CUX2: variants seen among roughly 807,000 people sequenced by gnomAD.
The protein encoded by CUX2 is cut like homeobox 2, also known as homeobox protein cut-like 2.
CUX2 carries 40 observed loss-of-function variants against 144.8 expected under a neutral mutation model. That is an observed-to-expected ratio of 0.28 (90% CI 0.21 to 0.36). CUX2 has a LOEUF of 0.36. Among genes scored for constraint, CUX2 ranks in the 10% least tolerant of loss-of-function variants. The probability of loss-of-function intolerance (pLI) is 1.00; values close to 1 mark genes in which losing one functional copy is unlikely to be tolerated. For synonymous variants in CUX2, 827 were observed against 875.6 expected (o/e 0.94, Z 0.98); for missense variants, 1,615 against 1,994.0 (o/e 0.81, Z 3.62).
chr12:111,167,037 C>T (rs944238330), intron 1 of CUX2, among the ~76,000 whole-genome samples: 3 of 152,126 alleles, frequency 2.0e-5, no homozygotes, highest in African/African-American at 7.2e-5. Flanking sequence ...CTGCCAGTCT[C>T]CTAGACAGGC....
rs138262823 is a variant in CUX2 at position 111,300,012 on chromosome 12, A to T, written c.753+1423A>T. On this transcript the variant is annotated intron_variant, in intron 9 of 21. Transcript: ENST00000261726. ...TCCCACCTCAGCCTCCCAGGTAGCC[A>T]GTTAGCTGGGAACAGAGGCGTGTGC... Among the ~76,000 whole-genome samples, 496 of 152,290 alleles carry T rather than the reference A, an allele frequency of 3.3e-3. 5 individuals carry two copies. The highest frequency in any genetic ancestry group is 0.01 in the African/African-American group (432 of 41,552).
rs1238090488 is a variant in CUX2, at chr12:111,295,110, T to C, written c.561-223T>C. ...CTACTGTAAATTTTGCCCCTAAAAA[T>C]CCTGGCAGAAACTAACAGGAGCAGC... On this transcript the variant is annotated intron_variant, in intron 6 of 21. Transcript: ENST00000261726. The surrounding 1 kb of genome is among the most constrained non-coding windows in gnomAD (Gnocchi z 5.0). Among the ~76,000 whole-genome samples, 1 of 152,174 alleles carries C rather than the reference T, an allele frequency of 6.6e-6. No individual in the cohort carries two copies. Among genetic ancestry groups the C allele is most frequent in the Admixed American group, 6.5e-5 (1 of 15,276 alleles).
Position 111,320,675 on chromosome 12 carries a change from A to G in CUX2, c.2666A>G (p.Glu889Gly). Residue 889 changes from glutamate (E) to glycine (G), a missense_variant, in exon 17 of 22, where the codon GAG becomes GGG. Physicochemically the swap from Glu to Gly is moderately conservative, Grantham distance 98. Transcript: ENST00000261726. This position sits in a 1 kb window ranked among gnomAD's most constrained non-coding sequence, Gnocchi z 8.1. ...TVPPLTPEQYELYMYREVDTL... is the reference protein window; with the variant it reads ...TVPPLTPEQYGLYMYREVDTL... ...CCGCCGCTGACCCCCGAGCAGTACGAGCTGTACATGTACCGTGAGGTAGAC... is the reference window on the plus strand; with the variant it reads ...CCGCCGCTGACCCCCGAGCAGTACGGGCTGTACATGTACCGTGAGGTAGAC... 6.3e-7 allele frequency: 1 copy of G among 1,597,158 alleles called. No individual in the cohort carries two copies. The highest frequency in any genetic ancestry group is 8.5e-7 in the Non-Finnish European group (1 of 1,179,270).
chr12:111,085,291 A>AC (rs1872144759), intron 1 of CUX2, among the ~76,000 whole-genome samples: 1 of 152,082 alleles, frequency 6.6e-6, no homozygotes, highest in South Asian at 2.1e-4. Flanking sequence ...GGAAGAATTT[A>AC]CCCCATGGAA....
chr12:111,309,307 C>T (rs1284366485), intron 14 of CUX2, among the ~76,000 whole-genome samples: 1 of 152,166 alleles, frequency 6.6e-6, no homozygotes, highest in Non-Finnish European at 1.5e-5. Flanking sequence ...TTCATGGGTG[C>T]CATGTAGGTC....
intron 1 of CUX2, among the ~76,000 whole-genome samples, chr12:111,040,854 A>G (rs1278961912): frequency 6.6e-6 from 1 of 152,196 alleles, no homozygotes; most frequent in Non-Finnish European, 1.5e-5. Context: ...GTGTTCCAAT[A>G]AAACTTTATT....
intron 1 of CUX2, among the ~76,000 whole-genome samples, chr12:111,144,333 T>G (rs1876524430): frequency 6.6e-6 from 1 of 152,212 alleles, no homozygotes; most frequent in African/African-American, 2.4e-5. Flanking sequence ...CCACGCTGCC[T>G]TTTCCGGAGC....
Position 111,242,600 on chromosome 12 carries a change from G to A in CUX2, c.223-21161G>A, listed in dbSNP as rs73414563. On this transcript the variant is annotated intron_variant, in intron 3 of 21. Transcript: ENST00000261726. ...AGACCGAGGTGGGCAGATCACCTTAGGTCAGGAATTCAAGACCAGCCTGGC... is the reference window on the plus strand; with the variant it reads ...AGACCGAGGTGGGCAGATCACCTTAAGTCAGGAATTCAAGACCAGCCTGGC... 9.2e-3 allele frequency among the ~76,000 whole-genome samples: 1,401 copies of A among 152,236 alleles called. 25 individuals carry two copies. Among genetic ancestry groups the A allele is most frequent in the African/African-American group, 0.032 (1,315 of 41,512 alleles).
At chr12:111,167,900 G>T (rs1277489312) in intron 1 of CUX2, among the ~76,000 whole-genome samples, 1 of 152,022 alleles carries the variant, frequency 6.6e-6, no homozygotes, top group African/African-American at 2.4e-5. Context: ...CACCATGTTG[G>T]CCAGGCTGGT....
At chr12:111,227,645 T>A (rs2136240300) in intron 3 of CUX2, among the ~76,000 whole-genome samples, 1 of 152,222 alleles carries the variant, frequency 6.6e-6, no homozygotes, top group Non-Finnish European at 1.5e-5. Flanking sequence ...TCTGGCTTTC[T>A]CCTATATTTT....
chr12:111,034,235 C>T lies in CUX2; in HGVS notation c.58C>T (p.Leu20Phe), dbSNP rs1367791659. The T allele has an allele frequency of 1.4e-6, 2 of 1,390,466 alleles. No individual in the cohort carries two copies. The highest frequency in any genetic ancestry group is 4.2e-5 in the East Asian group (1 of 23,872). 86.1% of individuals were successfully genotyped at this position (1,390,466 alleles called of 1,614,324 possible). Reference sequence around the variant, plus strand: ...TTGGAAGCGATTTGATCTACGGCGACTCCAGGTTAGTGCGGGCAGCGCCGG... The same window carrying T: ...TTGGAAGCGATTTGATCTACGGCGATTCCAGGTTAGTGCGGGCAGCGCCGG... ...QYWKRFDLRRLQKELNSVASE... is the reference protein window; with the variant it reads ...QYWKRFDLRRFQKELNSVASE... The change falls in exon 1 of 22, where the codon CTC (leucine) becomes TTC (phenylalanine). Residue 20 changes from leucine to phenylalanine, a missense_variant. Coordinates refer to ENST00000261726, the MANE Select transcript of CUX2 (RefSeq NM_015267.4). The surrounding 1 kb of genome is among the most constrained non-coding windows in gnomAD (Gnocchi z 4.2).
At chr12:111,121,476 A>T (rs1337934357) in intron 1 of CUX2, among the ~76,000 whole-genome samples, 1 of 129,854 alleles carries the variant, frequency 7.7e-6, no homozygotes, top group African/African-American at 2.9e-5. Context: ...TCATGGGTTC[A>T]TGCGATTCTC....
At chr12:111,346,154 A>G (rs1396207348) in intron 21 of CUX2, among the ~76,000 whole-genome samples, 3 of 144,708 alleles carry the variant, frequency 2.1e-5, no homozygotes, top group African/African-American at 7.7e-5. Context: ...CAGAAAATGC[A>G]ATTACTTTTG....
intron 1 of CUX2, among the ~76,000 whole-genome samples, chr12:111,066,374 T>C (rs1467267084): frequency 6.6e-6 from 1 of 152,242 alleles, no homozygotes; most frequent in Non-Finnish European, 1.5e-5. Context: ...GTCCTCTCAA[T>C]GTAATGAAAA....
In CUX2 at chr12:111,061,615, C is replaced by T. The variant is rs1054295237; in HGVS notation, c.63+27375C>T. Among the ~76,000 whole-genome samples the T allele has an allele frequency of 1.3e-5, 2 of 152,206 alleles. No individual in the cohort carries two copies. The highest frequency in any genetic ancestry group is 1.5e-5 in the Non-Finnish European group (1 of 68,046). ...CCTAAGTACATCCAACTCTACATCA[C>T]GGTCTTTCCACTTATACCCACATTA... is the stretch of plus-strand genomic sequence containing the variant. On this transcript the variant is annotated intron_variant, in intron 1 of 21. Transcript: ENST00000261726. The surrounding 1 kb of genome is among the most constrained non-coding windows in gnomAD (Gnocchi z 4.2).
At chr12:111,244,186 A>G (rs1238594797) in intron 3 of CUX2, among the ~76,000 whole-genome samples, 1 of 152,062 alleles carries the variant, frequency 6.6e-6, no homozygotes, top group Non-Finnish European at 1.5e-5. Context: ...TGGCCTCCCA[A>G]ACTGGGTTGT....
At chr12:111,045,590 T>G (rs117940534) in intron 1 of CUX2, among the ~76,000 whole-genome samples, 20 of 152,358 alleles carry the variant, frequency 1.3e-4, no homozygotes, top group Non-Finnish European at 2.6e-4. Flanking sequence ...ATTTATTATC[T>G]TTATTAGCAA....
intron 1 of CUX2, among the ~76,000 whole-genome samples, chr12:111,143,184 C>T (rs1876447204): frequency 6.6e-6 from 1 of 152,124 alleles, no homozygotes; most frequent in African/African-American, 2.4e-5. Flanking sequence ...CAGCAACCAG[C>T]AACAGGGGGG....
At chr12:111,333,244 CATG>C (rs1592980090) in intron 18 of CUX2, among the ~76,000 whole-genome samples, 2 of 151,712 alleles carry the variant, frequency 1.3e-5, no homozygotes, top group Non-Finnish European at 2.9e-5. Flanking sequence ...GTGAGCCAGG[CATG>C]ATGATGCACA....
Sources: allele counts gnomAD v4.1 joint callset (sites outside exome capture counted in the v4.1 genomes callset), GRCh38; gene constraint gnomAD v4.1.1; non-coding constraint Gnocchi (gnomAD v3.1); transcripts MANE v1.5; gene names NCBI Gene and HGNC (gene_info 2026-07-23, HGNC 2026-07-21).